The following FTO variants were observed in gnomAD, a reference collection of about 807,000 sequenced individuals.
FTO encodes the protein FTO alpha-ketoglutarate dependent dioxygenase.
A neutral mutation model predicts 63.9 loss-of-function variants in FTO; 47 were observed. The observed-to-expected ratio is 0.74, with a 90% confidence interval of 0.58 to 0.94. The LOEUF (loss-of-function observed/expected upper bound fraction) is 0.94. Among genes scored for constraint, FTO ranks in the 40% least tolerant of loss-of-function variants. The probability of loss-of-function intolerance (pLI) is 0.00; values close to 1 mark genes in which losing one functional copy is unlikely to be tolerated. For synonymous variants in FTO, 207 were observed against 224.4 expected (o/e 0.92, Z 0.69); for missense variants, 562 against 618.1 (o/e 0.91, Z 0.96).
chr16:53,737,021 A>C (rs1347775100), intron 1 of FTO, among the ~76,000 whole-genome samples: 3 of 152,104 alleles, frequency 2.0e-5, no homozygotes, highest in Admixed American at 2.0e-4. Flanking sequence ...GTCACTTTGT[A>C]CTTGGCCATT....
intron 1 of FTO, among the ~76,000 whole-genome samples, chr16:53,735,378 G>A (rs960804231): frequency 2.0e-5 from 3 of 152,174 alleles, no homozygotes; most frequent in Non-Finnish European, 4.4e-5. Flanking sequence ...GAGAGATTAG[G>A]AAGTAGTTTC....
chr16:53,775,143 G>C (rs2077432376), intron 1 of FTO, among the ~76,000 whole-genome samples: 1 of 152,134 alleles, frequency 6.6e-6, no homozygotes, highest in African/African-American at 2.4e-5. Context: ...GATTGGAAGG[G>C]TGCTGAGTGC....
intron 3 of FTO, among the ~76,000 whole-genome samples, chr16:53,828,743 C>T (rs1323893695): frequency 2.0e-5 from 3 of 152,142 alleles, no homozygotes; most frequent in Non-Finnish European, 4.4e-5. Flanking sequence ...TTAACTTGTT[C>T]ATGGTGATGC....
chr16:53,805,516 C>T (rs1428188554), intron 1 of FTO, among the ~76,000 whole-genome samples: 2 of 147,270 alleles, frequency 1.4e-5, no homozygotes, highest in African/African-American at 2.5e-5. Context: ...GGCGTGATCT[C>T]GGCTCACTGC....
chr16:53,844,656 C>T (rs1186131072), intron 4 of FTO, among the ~76,000 whole-genome samples: 5 of 151,982 alleles, frequency 3.3e-5, no homozygotes, highest in Non-Finnish European at 5.9e-5. Flanking sequence ...AGATGGGTTT[C>T]ACCACGTTGG....
chr16:54,111,164 T>A (rs1339496399), intron 8 of FTO, among the ~76,000 whole-genome samples: 1 of 152,216 alleles, frequency 6.6e-6, no homozygotes, highest in African/African-American at 2.4e-5. Context: ...TGCAAGTTTT[T>A]CCCACCTCTT....
At chr16:53,897,429 T>C (rs1419197955) in intron 7 of FTO, among the ~76,000 whole-genome samples, 1 of 152,212 alleles carries the variant, frequency 6.6e-6, no homozygotes, top group African/African-American at 2.4e-5. Context: ...TTTAGACATA[T>C]CTGCATAGCC....
intron 8 of FTO, among the ~76,000 whole-genome samples, chr16:54,045,967 A>G (rs2085162932): frequency 1.4e-5 from 1 of 71,582 alleles, no homozygotes; most frequent in Admixed American, 1.6e-4. Flanking sequence ...TTTCAAAATA[A>G]TAAGAGCTAT....
chr16:54,031,201 A>G (rs2084823245), intron 8 of FTO, among the ~76,000 whole-genome samples: 1 of 152,204 alleles, frequency 6.6e-6, no homozygotes, highest in African/African-American at 2.4e-5. Context: ...AGCTACATAC[A>G]TAAGATCTTA....
At chr16:53,778,088 C>T (rs2077503550) in intron 1 of FTO, among the ~76,000 whole-genome samples, 1 of 152,106 alleles carries the variant, frequency 6.6e-6, no homozygotes, top group African/African-American at 2.4e-5. Flanking sequence ...ATAATTTTTC[C>T]TGCTTCACCA....
chr16:53,705,877 T>G (rs1376472797), intron 1 of FTO, among the ~76,000 whole-genome samples: 1 of 152,234 alleles, frequency 6.6e-6, no homozygotes. Context: ...GATTATAATT[T>G]TGGCTGAAAT....
intron 7 of FTO, among the ~76,000 whole-genome samples, chr16:53,907,833 A>G (rs768110163): frequency 6.6e-6 from 1 of 151,592 alleles, no homozygotes; most frequent in Non-Finnish European, 1.5e-5. Context: ...CAGCTCAATT[A>G]CTCCTTCCTC....
intron 7 of FTO, among the ~76,000 whole-genome samples, chr16:53,905,167 G>A (rs1466817819): frequency 6.6e-6 from 1 of 152,004 alleles, no homozygotes; most frequent in Admixed American, 6.6e-5. Context: ...TGTAAAGTGA[G>A]CATCTGTTGC....
intron 1 of FTO, among the ~76,000 whole-genome samples, chr16:53,705,829 G>A (rs1293988251): frequency 6.6e-6 from 1 of 152,200 alleles, no homozygotes; most frequent in Non-Finnish European, 1.5e-5. Context: ...TTTATTCTGT[G>A]AAGATTTGTT....
chr16:53,928,123 G>C (rs1339389116), intron 7 of FTO, among the ~76,000 whole-genome samples: 1 of 152,136 alleles, frequency 6.6e-6, no homozygotes, highest in African/African-American at 2.4e-5. Flanking sequence ...TGACAGCGGG[G>C]ATTTGAGCAG....
intron 8 of FTO, among the ~76,000 whole-genome samples, chr16:53,971,301 C>T (rs1451370100): frequency 6.6e-6 from 1 of 152,176 alleles, no homozygotes; most frequent in Admixed American, 6.5e-5. Flanking sequence ...AGGAAGATTA[C>T]TAAGTCAAAA....
At chr16:54,068,995 A>G (rs2085796841) in intron 8 of FTO, among the ~76,000 whole-genome samples, 1 of 152,224 alleles carries the variant, frequency 6.6e-6, no homozygotes, top group Non-Finnish European at 1.5e-5. Context: ...CAAGAATATC[A>G]ACCATATATA....
chr16:53,899,302 A>T (rs2081346817), intron 7 of FTO, among the ~76,000 whole-genome samples: 1 of 152,130 alleles, frequency 6.6e-6, no homozygotes, highest in African/African-American at 2.4e-5. Flanking sequence ...TAAAAGTTAG[A>T]ATCATAGTGT....
chr16:53,987,927 A>G (rs2083710493), intron 8 of FTO, among the ~76,000 whole-genome samples: 1 of 152,252 alleles, frequency 6.6e-6, no homozygotes, highest in Non-Finnish European at 1.5e-5. Context: ...TTAGTATATT[A>G]GTCTGAAAAC....
Sources: gnomAD v4.1 joint callset for allele counts (sites outside exome capture counted in the v4.1 genomes callset) on GRCh38, gnomAD v4.1.1 for gene constraint, MANE v1.5 for transcripts, NCBI Gene and HGNC (gene_info 2026-07-23, HGNC 2026-07-21) for gene names.